GPM6A: variants seen among roughly 807,000 people sequenced by gnomAD.
GPM6A encodes the protein glycoprotein M6A, also known as neuronal membrane glycoprotein M6-a.
A neutral mutation model predicts 32.1 loss-of-function variants in GPM6A; 7 were observed. The ratio of observed to expected loss-of-function variants is 0.22; its 90% confidence interval spans 0.12 to 0.41. The LOEUF is 0.41. GPM6A is among the 10% of genes least tolerant of loss of function. The pLI is 1.00. For missense variants in GPM6A, 235 were observed against 347.2 expected (o/e 0.68, Z 2.57); for synonymous variants, 130 against 123.4 (o/e 1.05, Z -0.35).
At chr4:175,747,067 C>T (rs577686122) in intron 1 of GPM6A, among the ~76,000 whole-genome samples, 2 of 151,922 alleles carry the variant, frequency 1.3e-5, no homozygotes, top group African/African-American at 2.4e-5. Flanking sequence ...GTCAGGAGGT[C>T]GAGACCATCC....
chr4:175,805,238 G>A (rs143656655), intron 1 of GPM6A, among the ~76,000 whole-genome samples: 2,132 of 151,910 alleles, frequency 0.014, 24 homozygotes, highest in Non-Finnish European at 0.022. Context: ...AACAACAATC[G>A]GAATAAATAC....
chr4:175,652,565 T>C (rs1741870134), intron 3 of GPM6A, among the ~76,000 whole-genome samples: 2 of 151,876 alleles, frequency 1.3e-5, no homozygotes, highest in South Asian at 4.1e-4. Flanking sequence ...ATTTTATATA[T>C]AGTATATACA....
chr4:175,794,531 G>T (rs1452493201), intron 1 of GPM6A, among the ~76,000 whole-genome samples: 1 of 152,140 alleles, frequency 6.6e-6, no homozygotes, highest in Non-Finnish European at 1.5e-5. Context: ...TTGAATTCAA[G>T]ATTAATATTG....
At chr4:175,736,333 T>TA (rs1699671164) in intron 1 of GPM6A, among the ~76,000 whole-genome samples, 1 of 152,220 alleles carries the variant, frequency 6.6e-6, no homozygotes, top group African/African-American at 2.4e-5. Context: ...AGTTTTCTTG[T>TA]AGAAAGGATT....
chr4:175,733,540 A>G (rs1205654688), intron 1 of GPM6A, among the ~76,000 whole-genome samples: 2 of 151,922 alleles, frequency 1.3e-5, no homozygotes, highest in East Asian at 3.9e-4. Context: ...ACTAAACTCA[A>G]TTGCCCTTTG....
intron 1 of GPM6A, among the ~76,000 whole-genome samples, chr4:175,712,716 A>G (rs572961408): frequency 2.6e-5 from 4 of 152,132 alleles, no homozygotes; most frequent in African/African-American, 9.7e-5. Context: ...CCTTTTTTCT[A>G]TGCCTATGCT....
chr4:175,762,764 C>T (rs1732800387), intron 1 of GPM6A, among the ~76,000 whole-genome samples: 1 of 152,144 alleles, frequency 6.6e-6, no homozygotes, highest in Non-Finnish European at 1.5e-5. Context: ...CAGATGATTG[C>T]TTTTTCTTTC....
intron 1 of GPM6A, among the ~76,000 whole-genome samples, chr4:175,930,689 G>T (rs1365331364): frequency 1.3e-5 from 2 of 151,894 alleles, no homozygotes; most frequent in African/African-American, 4.8e-5. Flanking sequence ...CTTCTATCAA[G>T]AATCCTGGCA....
upstream of GPM6A, chr4:175,812,371 C>G: frequency 7.7e-7 from 1 of 1,295,148 alleles, no homozygotes; most frequent in Non-Finnish European, 9.8e-7. Flanking sequence ...GTGGCTTGGG[C>G]AAGTCCTCAG....
chr4:175,999,079 A>G (rs1315143904), intron 1 of GPM6A, among the ~76,000 whole-genome samples: 1 of 152,022 alleles, frequency 6.6e-6, no homozygotes, highest in East Asian at 1.9e-4. Context: ...GTTCAGTACC[A>G]CTCCCATTAA....
chr4:175,884,235 C>A (rs949331929), intron 1 of GPM6A, among the ~76,000 whole-genome samples: 1 of 152,288 alleles, frequency 6.6e-6, no homozygotes, highest in East Asian at 1.9e-4. Flanking sequence ...TATGACTCAA[C>A]CAACAAGCAT....
chr4:175,747,256 A>T (rs2111179621), intron 1 of GPM6A, among the ~76,000 whole-genome samples: 1 of 133,448 alleles, frequency 7.5e-6, no homozygotes, highest in African/African-American at 2.8e-5. Flanking sequence ...GTGACAGAGC[A>T]AGACTCCATC....
chr4:175,745,659 A>G (rs935450038), intron 1 of GPM6A, among the ~76,000 whole-genome samples: 1 of 152,208 alleles, frequency 6.6e-6, no homozygotes, highest in Non-Finnish European at 1.5e-5. Context: ...CCTAGGATGC[A>G]TAAGAATCAC....
Position 175,673,685 on chromosome 4 carries a change from C to A in GPM6A, c.382G>T (p.Ala128Ser), listed in dbSNP as rs747350726. 2 of 1,605,556 alleles carry A rather than the reference C, an allele frequency of 1.2e-6. No individual in the cohort carries two copies. The highest frequency in any genetic ancestry group is 1.7e-6 in the Non-Finnish European group (2 of 1,173,964). The part of the protein sequence containing the change: ...KITTCGRCVS[A>S]WFIMLTYLFM... The stretch of plus-strand genomic sequence containing the variant: ...AATGTAGAGAACTAACATACCCAAG[C>A]GCTCACACATCTGCCACAAGTGGTG... Residue 128 changes from alanine (A) to serine (S), a missense_variant, in exon 3 of 7, where the codon GCT (alanine) becomes TCT (serine). Physicochemically the swap from Ala to Ser is moderately conservative, Grantham distance 99. This residue lies in a region of GPM6A where 101 missense variants were observed against 171.2 expected (regional missense o/e 0.59). Transcript: ENST00000393658.
chr4:175,942,810 G>A (rs1029147822), intron 1 of GPM6A, among the ~76,000 whole-genome samples: 17 of 152,244 alleles, frequency 1.1e-4, no homozygotes, highest in African/African-American at 3.1e-4. Context: ...GTCAGGTAGC[G>A]TGATGCCTCC....
In GPM6A at chr4:175,687,388, C is replaced by T. The variant is rs534227675; in HGVS notation, c.231-13552G>A. 4.6e-5 allele frequency among the ~76,000 whole-genome samples: 7 copies of T among 152,122 alleles called. No homozygotes were observed. In the South Asian group the frequency reaches 1.5e-3, roughly 32 times the overall value. On this transcript the variant is annotated intron_variant, in intron 2 of 6. Transcript: ENST00000393658. ...CTATCTTCTGCTTCTATAATTTTGA[C>T]CATTTTAGATAGTTCATATAAATAA...
intron 1 of GPM6A, among the ~76,000 whole-genome samples, chr4:175,984,172 G>T (rs1481797502): frequency 2.0e-5 from 3 of 151,848 alleles, no homozygotes; most frequent in Non-Finnish European, 2.9e-5. Flanking sequence ...ATTTATTTAT[G>T]TATTTATTGA....
intron 1 of GPM6A, among the ~76,000 whole-genome samples, chr4:175,840,003 TA>T (rs1354489934): frequency 1.3e-5 from 2 of 152,184 alleles, no homozygotes; most frequent in Non-Finnish European, 2.9e-5. Context: ...CCATCCCAAT[TA>T]AATTCTTCAG....
At chr4:175,804,123 T>C (rs1193122890) in intron 1 of GPM6A, among the ~76,000 whole-genome samples, 1 of 152,232 alleles carries the variant, frequency 6.6e-6, no homozygotes, top group African/African-American at 2.4e-5. Flanking sequence ...TTCAGTGTCA[T>C]ATCTAAGAGT....
Sources: gnomAD v4.1 joint callset for allele counts (sites outside exome capture counted in the v4.1 genomes callset) on GRCh38, gnomAD v4.1.1 for gene constraint, gnomAD v4.1.1 regional missense constraint, MANE v1.5 for transcripts, NCBI Gene and HGNC (gene_info 2026-07-23, HGNC 2026-07-21) for gene names.